WWOX: variants seen among roughly 807,000 people sequenced by gnomAD.
The protein encoded by WWOX is WW domain-containing oxidoreductase.
WWOX carries 69 observed loss-of-function variants against 46.2 expected under a neutral mutation model. The observed-to-expected ratio is 1.49, with a 90% confidence interval of 1.23 to 1.82. The LOEUF (loss-of-function observed/expected upper bound fraction) is 1.82. Ranked by LOEUF, WWOX falls within the 40% of genes most tolerant of loss-of-function variation. The probability of loss-of-function intolerance (pLI) is 0.00; values close to 1 mark genes in which losing one functional copy is unlikely to be tolerated. For missense variants in WWOX, 919 were observed against 542.6 expected (o/e 1.69, Z -6.89); for synonymous variants, 359 against 202.6 (o/e 1.77, Z -6.56).
At position 78,978,844 on chromosome 16, in the gene WWOX, C is replaced by G. The variant is rs566376205; in HGVS notation, c.1057-232764C>G. Among the ~76,000 whole-genome samples the G allele has an allele frequency of 2.6e-5, 4 of 152,294 alleles. No homozygotes were observed. In the East Asian group the frequency reaches 7.7e-4, roughly 29 times the overall value. ...CTCAGTCACCTCCCACCAGGCCCCACCTCCAACACTGGGGATTACAATTCA... is the reference window on the plus strand; with the variant it reads ...CTCAGTCACCTCCCACCAGGCCCCAGCTCCAACACTGGGGATTACAATTCA... On this transcript the variant is annotated intron_variant, in intron 8 of 8. Transcript: ENST00000566780.
chr16:78,839,260 C>T lies in WWOX; in HGVS notation c.1057-372348C>T, dbSNP rs144106040. ...CTCTATTTTGATATATTTTCTCTTC[C>T]TCCCTTCCAGTCTCTCTCTTCTGTT... On this transcript the variant is annotated intron_variant, in intron 8 of 8. Transcript: ENST00000566780. 7.2e-5 allele frequency among the ~76,000 whole-genome samples: 11 copies of T among 152,252 alleles called. No homozygotes were observed. In the East Asian group the frequency reaches 2.1e-3, roughly 29 times the overall value.
chr16:78,292,041 A>G (rs1406049139), intron 5 of WWOX, among the ~76,000 whole-genome samples: 1 of 150,398 alleles, frequency 6.6e-6, no homozygotes, highest in Admixed American at 6.6e-5. Flanking sequence ...TGTATGGCTT[A>G]TGAGATGAGG....
Position 79,211,830 on chromosome 16 carries a change from C to T in WWOX, c.*34C>T, listed in dbSNP as rs373152257. 2 of 1,612,984 alleles carry T rather than the reference C, an allele frequency of 1.2e-6. No individual in the cohort carries two copies. The highest frequency in any genetic ancestry group is 2.7e-5 in the African/African-American group (2 of 74,942). On this transcript the variant is annotated 3_prime_UTR_variant, in exon 9 of 9. Coordinates refer to ENST00000566780, the MANE Select transcript of WWOX (RefSeq NM_016373.4). ...CAGAGCGGATGGGCACACACACCCG[C>T]CCTGTGTGTGTCCCCTCACGCAAGT...
intron 6 of WWOX, among the ~76,000 whole-genome samples, chr16:78,391,950 G>A (rs763241701): frequency 1.2e-4 from 18 of 150,836 alleles, no homozygotes; most frequent in African/African-American, 4.4e-4. Flanking sequence ...TTTGAATCAG[G>A]ATTCAAATAA....
At chr16:78,230,572 T>C (rs2037225919) in intron 5 of WWOX, among the ~76,000 whole-genome samples, 1 of 152,258 alleles carries the variant, frequency 6.6e-6, no homozygotes, top group Admixed American at 6.5e-5. Flanking sequence ...ACTTAAGTGG[T>C]TGATAAAACT....
Position 78,147,675 on chromosome 16 carries a change from CTTTTTTT to C in WWOX, c.410-16493_410-16487del, listed in dbSNP as rs33931881. Among the ~76,000 whole-genome samples the C allele has an allele frequency of 9.3e-3, 847 of 90,632 alleles. 8 individuals carry two copies. The highest frequency in any genetic ancestry group is 0.039 in the Middle Eastern group (6 of 154). The allele number at this position is 90,632 out of a possible 152,430, so 59.5% of individuals were successfully genotyped here. A position where few individuals can be genotyped will look rare whatever the true frequency, so the allele number is the denominator to read the frequency against. On this transcript the variant is annotated intron_variant, in intron 4 of 8. Coordinates refer to ENST00000566780, the MANE Select transcript of WWOX (RefSeq NM_016373.4). Reference sequence around the variant, plus strand: ...TCTGAATTTTTCTTTTTCTTTCTTCCTTTTTTTTTTTTTTTTTTTTTAAAAAAAAAAA... The same window carrying C: ...TCTGAATTTTTCTTTTTCTTTCTTCCTTTTTTTTTTTTTTAAAAAAAAAAA...
At chr16:79,017,499 G>A (rs1378180840) in intron 8 of WWOX, 3 of 142,974 alleles carry the variant, frequency 2.1e-5, no homozygotes, top group Non-Finnish European at 4.5e-5. Context: ...GAGCACGGAT[G>A]AGCAAACTGT....
intron 8 of WWOX, among the ~76,000 whole-genome samples, chr16:78,728,620 C>T (rs1257893129): frequency 1.3e-5 from 2 of 152,184 alleles, no homozygotes. Flanking sequence ...GCTTTGACCT[C>T]ACAGAGCTTC....
At chr16:78,683,973 C>T (rs934972144) in intron 8 of WWOX, among the ~76,000 whole-genome samples, 1 of 152,118 alleles carries the variant, frequency 6.6e-6, no homozygotes, top group African/African-American at 2.4e-5. Flanking sequence ...TCTTGCGATC[C>T]CCTCCTGCAC....
intron 8 of WWOX, among the ~76,000 whole-genome samples, chr16:79,148,715 A>G (rs1463464084): frequency 6.6e-6 from 1 of 152,158 alleles, no homozygotes; most frequent in Non-Finnish European, 1.5e-5. Context: ...TGGACATGGT[A>G]TGTAATTCTA....
At chr16:78,399,801 G>T (rs1032301659) in intron 6 of WWOX, among the ~76,000 whole-genome samples, 1 of 152,142 alleles carries the variant, frequency 6.6e-6, no homozygotes. Context: ...TTACATAATT[G>T]ACATGTTGAG....
intron 8 of WWOX, among the ~76,000 whole-genome samples, chr16:78,850,105 T>G (rs940978031): frequency 2.6e-5 from 4 of 152,132 alleles, no homozygotes; most frequent in Middle Eastern, 3.4e-3. Flanking sequence ...GAGTGAGAAT[T>G]TGGCTTTTAG....
At chr16:78,545,574 G>C (rs1431641422) in intron 8 of WWOX, among the ~76,000 whole-genome samples, 1 of 152,128 alleles carries the variant, frequency 6.6e-6, no homozygotes, top group East Asian at 1.9e-4. Flanking sequence ...AATGAGAGTG[G>C]AGAGACCACA....
rs76356093 is a variant in WWOX at position 78,383,605 on chromosome 16, A to G, written c.517-3255A>G. On this transcript the variant is annotated intron_variant, in intron 5 of 8. Coordinates refer to ENST00000566780, the MANE Select transcript of WWOX (RefSeq NM_016373.4). ...ATTTAGAGCATGTCCCACTACAAAC[A>G]TTTCTATAAAGTTACTAAGTTTGTT... Among the ~76,000 whole-genome samples the G allele has an allele frequency of 6.3e-3, 955 of 152,278 alleles. 12 individuals carry two copies. The highest frequency in any genetic ancestry group is 0.022 in the African/African-American group (916 of 41,552).
chr16:78,489,191 T>A (rs2084715513), intron 8 of WWOX, among the ~76,000 whole-genome samples: 1 of 152,186 alleles, frequency 6.6e-6, no homozygotes, highest in African/African-American at 2.4e-5. Flanking sequence ...TCCCTATCTG[T>A]GAAGTGAGTC....
chr16:78,231,629 C>T (rs1480382869), intron 5 of WWOX, among the ~76,000 whole-genome samples: 6 of 152,048 alleles, frequency 3.9e-5, no homozygotes, highest in Admixed American at 1.3e-4. Flanking sequence ...CGGAGTAGCT[C>T]GACTTTTGCA....
intron 8 of WWOX, among the ~76,000 whole-genome samples, chr16:79,075,106 T>C (rs1567532650): frequency 6.6e-6 from 1 of 152,214 alleles, no homozygotes; most frequent in Non-Finnish European, 1.5e-5. Flanking sequence ...CAACACTGTT[T>C]CTCAAAATAT....
intron 8 of WWOX, among the ~76,000 whole-genome samples, chr16:78,957,735 C>T (rs1356824611): frequency 6.6e-6 from 1 of 152,294 alleles, no homozygotes; most frequent in African/African-American, 2.4e-5. Context: ...AAGAACTTTT[C>T]TTTGGCAAAC....
intron 4 of WWOX, among the ~76,000 whole-genome samples, chr16:78,124,490 G>T (rs2033269896): frequency 6.6e-6 from 1 of 152,150 alleles, no homozygotes; most frequent in Admixed American, 6.5e-5. Context: ...TCCAAAATAA[G>T]GTTGGGGTCA....
Sources: gnomAD v4.1 joint callset for allele counts (sites outside exome capture counted in the v4.1 genomes callset) on GRCh38, gnomAD v4.1.1 for gene constraint, MANE v1.5 for transcripts, NCBI Gene and HGNC (gene_info 2026-07-23, HGNC 2026-07-21) for gene names.